The following HYAL4 variants were observed in gnomAD, a reference collection of about 807,000 sequenced individuals.
HYAL4 encodes the protein hyaluronidase-4.
Under a neutral mutation model 35.2 loss-of-function variants are expected in HYAL4, and 37 were observed. The ratio of observed to expected loss-of-function variants is 1.05; its 90% CI spans 0.81 to 1.38. The LOEUF (loss-of-function observed/expected upper bound fraction) is 1.38, where lower values mean the gene tolerates loss of function less well. Among genes scored for constraint, HYAL4 ranks in the 40% most tolerant of loss-of-function variants. The probability of loss-of-function intolerance (pLI) is 0.00; values close to 1 mark genes in which losing one functional copy is unlikely to be tolerated. For missense variants in HYAL4, 572 were observed against 572.4 expected (o/e 1.00, Z 0.01); for synonymous variants, 198 against 203.2 (o/e 0.97, Z 0.22).
At chr7:123,807,306 T>C in the HYAL4 span, among the ~76,000 whole-genome samples, 1 of 152,104 alleles carries the variant, frequency 6.6e-6, no homozygotes, top group Non-Finnish European at 1.5e-5. Context: ...ATTATCTCTT[T>C]GAGAAAACTA....
At chr7:123,811,793 G>T in the HYAL4 span, among the ~76,000 whole-genome samples, 1 of 151,918 alleles carries the variant, frequency 6.6e-6, no homozygotes, top group African/African-American at 2.4e-5. Context: ...TTTTCTAGGA[G>T]TTTTATAGTT....
chr7:123,844,811 G>C (rs1281684716), upstream of HYAL4, among the ~76,000 whole-genome samples: 2 of 152,124 alleles, frequency 1.3e-5, no homozygotes, highest in African/African-American at 4.8e-5. Flanking sequence ...AGTGAGCAAG[G>C]CTCTGTGGGC....
At chr7:123,815,444 C>T in the HYAL4 span, among the ~76,000 whole-genome samples, 1 of 152,182 alleles carries the variant, frequency 6.6e-6, no homozygotes, top group East Asian at 1.9e-4. Flanking sequence ...CTACATTTCT[C>T]ATTATATTGC....
At chr7:123,779,795 A>G in the HYAL4 span, among the ~76,000 whole-genome samples, 8 of 152,246 alleles carry the variant, frequency 5.3e-5, no homozygotes, top group South Asian at 8.3e-4. Context: ...TTTACATAGT[A>G]CCTTTCTTCT....
intron 2 of HYAL4, among the ~76,000 whole-genome samples, chr7:123,867,301 G>A (rs1563002750): frequency 6.6e-6 from 1 of 152,106 alleles, no homozygotes; most frequent in Non-Finnish European, 1.5e-5. Flanking sequence ...CTATAAAGTA[G>A]GGAAGAAAAG....
chr7:123,843,582 C>T (rs1000744732), upstream of HYAL4, among the ~76,000 whole-genome samples: 3 of 151,856 alleles, frequency 2.0e-5, no homozygotes, highest in Admixed American at 6.6e-5. Flanking sequence ...GATAATATCC[C>T]GAAGACTGTT....
chr7:123,797,569 CAAAT>C, the HYAL4 span, among the ~76,000 whole-genome samples: 3 of 152,256 alleles, frequency 2.0e-5, no homozygotes, highest in Admixed American at 2.0e-4. Flanking sequence ...AATTGGCTAA[CAAAT>C]AAATCAAGTA....
the HYAL4 span, among the ~76,000 whole-genome samples, chr7:123,780,353 G>A: frequency 2.0e-5 from 3 of 152,078 alleles, no homozygotes; most frequent in Admixed American, 2.0e-4. Context: ...ATCTTTATCA[G>A]CCTAGTTCCC....
chr7:123,781,616 T>C, the HYAL4 span, among the ~76,000 whole-genome samples: 1 of 152,134 alleles, frequency 6.6e-6, no homozygotes, highest in Non-Finnish European at 1.5e-5. Context: ...ACGTATGCAC[T>C]TGAAATGTGG....
At chr7:123,873,692 ACATT>A (rs1806941105) in intron 3 of HYAL4, among the ~76,000 whole-genome samples, 1 of 152,242 alleles carries the variant, frequency 6.6e-6, no homozygotes, top group Non-Finnish European at 1.5e-5. Flanking sequence ...CCAACTACAT[ACATT>A]CAAATCTTAA....
chr7:123,781,606 A>T, the HYAL4 span, among the ~76,000 whole-genome samples: 2 of 152,054 alleles, frequency 1.3e-5, no homozygotes, highest in East Asian at 3.9e-4. Context: ...ACCCCTACAC[A>T]CGTATGCACT....
chr7:123,811,580 C>G, the HYAL4 span, among the ~76,000 whole-genome samples: 1 of 152,140 alleles, frequency 6.6e-6, no homozygotes, highest in South Asian at 2.1e-4. Flanking sequence ...TTAGATAACA[C>G]TTCTTTGTTA....
At chr7:123,810,474 A>G in the HYAL4 span, among the ~76,000 whole-genome samples, 1 of 152,192 alleles carries the variant, frequency 6.6e-6, no homozygotes, top group Non-Finnish European at 1.5e-5. Context: ...AGTGAATGCA[A>G]TTGCATCTAT....
chr7:123,866,389 A>G (rs2116953042), intron 2 of HYAL4, among the ~76,000 whole-genome samples: 1 of 152,312 alleles, frequency 6.6e-6, no homozygotes, highest in African/African-American at 2.4e-5. Flanking sequence ...GGATGCATCT[A>G]ATTGGACTGA....
In HYAL4 at chr7:123,868,593, C is replaced by T. The variant is rs779985737; in HGVS notation, c.320C>T (p.Pro107Leu). Residue 107 changes from proline to leucine, a missense_variant, in exon 3 of 5, where the codon CCC becomes CTC. By Grantham distance (98) the Pro-to-Leu change is moderately conservative. Transcript: ENST00000223026. ...YYPWYTSQGVPINGGLPQNIS... is the reference protein window; with the variant it reads ...YYPWYTSQGVLINGGLPQNIS... Reference sequence around the variant, plus strand: ...CCGTGGTATACATCACAAGGGGTCCCCATTAATGGAGGTCTCCCACAGAAC... The same window carrying T: ...CCGTGGTATACATCACAAGGGGTCCTCATTAATGGAGGTCTCCCACAGAAC... The T allele has an allele frequency of 7.4e-6, 12 of 1,614,002 alleles. No homozygotes were observed. The highest frequency in any genetic ancestry group is 5.0e-5 in the Admixed American group (3 of 59,996).
chr7:123,862,636 A>G (rs1170108112), intron 2 of HYAL4, among the ~76,000 whole-genome samples: 1 of 152,226 alleles, frequency 6.6e-6, no homozygotes, highest in African/African-American at 2.4e-5. Context: ...TTATTGATTT[A>G]TAATATCCTT....
intron 2 of HYAL4, among the ~76,000 whole-genome samples, chr7:123,866,789 C>CTTTTTT (rs1009764748): frequency 8.2e-5 from 11 of 134,182 alleles, no homozygotes; most frequent in African/African-American, 1.1e-4. Context: ...CTTTCTCTCT[C>CTTTTTT]TTTTTTTTTT....
the HYAL4 span, among the ~76,000 whole-genome samples, chr7:123,768,796 G>T: frequency 1.3e-5 from 2 of 152,214 alleles, no homozygotes; most frequent in Admixed American, 6.5e-5. Context: ...AAGAAAAGGA[G>T]CTGGTTCATT....
At chr7:123,791,611 C>T in the HYAL4 span, among the ~76,000 whole-genome samples, 1 of 152,144 alleles carries the variant, frequency 6.6e-6, no homozygotes, top group Non-Finnish European at 1.5e-5. Flanking sequence ...AGCCATTTAC[C>T]CCTTGGCTCC....
Sources: gnomAD v4.1 joint callset for allele counts (sites outside exome capture counted in the v4.1 genomes callset) on GRCh38, gnomAD v4.1.1 for gene constraint, MANE v1.5 for transcripts, NCBI Gene and HGNC (gene_info 2026-07-23, HGNC 2026-07-21) for gene names.